The following KCTD19 variants were observed in gnomAD, a reference collection of about 807,000 sequenced individuals.
KCTD19 encodes BTB/POZ domain-containing protein KCTD19.
In KCTD19, 67 loss-of-function variants were observed where a neutral mutation model predicts 103.5. The observed-to-expected ratio is 0.65, with a 90% CI of 0.53 to 0.79. KCTD19 has a LOEUF of 0.79. Among genes scored for constraint, KCTD19 ranks in the 30% least tolerant of loss-of-function variants. The pLI, the probability that KCTD19 is intolerant of heterozygous loss-of-function variation, is 0.00. For synonymous variants in KCTD19, 439 were observed against 452.2 expected (o/e 0.97, Z 0.37); for missense variants, 980 against 1,136.1 (o/e 0.86, Z 1.98).
intron 12 of KCTD19, 58 bp from the exon 13 acceptor site, chr16:67,291,895 T>TA (rs2036701973): frequency 3.1e-6 from 4 of 1,278,828 alleles, no homozygotes; most frequent in African/African-American, 1.5e-5. Context: ...TTTTTCAAGA[T>TA]AGAGTTTTGC....
At chr16:67,319,077 GC>G (rs1197102062) in intron 2 of KCTD19, among the ~76,000 whole-genome samples, 1 of 152,052 alleles carries the variant, frequency 6.6e-6, no homozygotes, top group Non-Finnish European at 1.5e-5. Context: ...ACAAAAATTA[GC>G]CAGGAGTGGT....
intron 2 of KCTD19, among the ~76,000 whole-genome samples, chr16:67,312,308 C>G (rs2036957962): frequency 6.6e-6 from 1 of 152,206 alleles, no homozygotes. Context: ...CCCACCCAGG[C>G]TGATGGATGT....
rs184953684 is a variant in KCTD19, at chr16:67,289,785, G to A, written c.2668-103C>T. On this transcript the variant is annotated intron_variant, in intron 15 of 15. Transcript: ENST00000304372. ...ATTGGGGCAGGGACAGGGCAAGCCC[G>A]GCTGTTGGGGACTTTTGATGCTCTA... is the stretch of plus-strand genomic sequence containing the variant. 1.9e-3 allele frequency: 1,444 copies of A among 760,282 alleles called. 10 individuals are homozygous for A. The highest frequency in any genetic ancestry group is 3.0e-3 in the Middle Eastern group (8 of 2,694). The allele number at this position is 760,282 out of a possible 1,614,324, so 47.1% of individuals were successfully genotyped here. A position where few individuals can be genotyped will look rare whatever the true frequency, so the allele number is the denominator to read the frequency against.
intron 7 of KCTD19, 132 bp from the exon 8 acceptor site, chr16:67,296,391 G>A: frequency 1.5e-6 from 1 of 652,578 alleles, no homozygotes; most frequent in Non-Finnish European, 2.8e-6. Context: ...TGCCTAGTCT[G>A]AGAAGCAGCA....
Position 67,296,207 on chromosome 16 carries a change from C to G in KCTD19, c.1200G>C (p.Val400=). 1 of 1,613,918 alleles carries G rather than the reference C, an allele frequency of 6.2e-7. No individual in the cohort carries two copies. The highest frequency in any genetic ancestry group is 8.5e-7 in the Non-Finnish European group (1 of 1,179,798). ...TTGCGTACCAGTGGCTTCCAACATA[C>G]ACTTTGATGATCTGTTGTGGGGAAT... ...TVYSPQQIIK[V]YVGSHWYATT... is the part of the protein sequence containing the mutation. Residue 400 remains valine (V), a synonymous_variant, in exon 8 of 16, where the codon GTG becomes GTC. Coordinates refer to ENST00000304372, the MANE Select transcript of KCTD19 (RefSeq NM_001100915.3).
In KCTD19 at chr16:67,303,795, C is replaced by T. The variant is rs1037035185; in HGVS notation, c.452-458G>A. Among the ~76,000 whole-genome samples, 1 of 152,222 alleles carries T rather than the reference C, an allele frequency of 6.6e-6. No homozygotes were observed. Among genetic ancestry groups the T allele is most frequent in the Non-Finnish European group, 1.5e-5 (1 of 68,030 alleles). On this transcript the variant is annotated intron_variant, in intron 3 of 15. Transcript: ENST00000304372. This position sits in a 1 kb window ranked among gnomAD's most constrained non-coding sequence, Gnocchi z 4.3. ...CTCCTGACCTCACGTGATCCATCTG[C>T]CTCAGCCTCCCAAAATGCTGGGATT...
At chr16:67,307,105 A>T (rs1048891994) in intron 2 of KCTD19, among the ~76,000 whole-genome samples, 1 of 152,080 alleles carries the variant, frequency 6.6e-6, no homozygotes, top group African/African-American at 2.4e-5. Flanking sequence ...CAATACATGG[A>T]TACAATGTAT....
chr16:67,320,545 C>A lies in KCTD19; in HGVS notation c.300+44G>T. 1 of 1,583,050 alleles carries A rather than the reference C, an allele frequency of 6.3e-7. No homozygotes were observed. The highest frequency in any genetic ancestry group is 8.6e-7 in the Non-Finnish European group (1 of 1,158,060). ...GGAAACAATATTTAGTGATGTAAAGCCATGTTACTGATCCACCACTCCCAG... is the reference window on the plus strand; with the variant it reads ...GGAAACAATATTTAGTGATGTAAAGACATGTTACTGATCCACCACTCCCAG... On this transcript the variant is annotated intron_variant, in intron 2 of 15. Transcript: ENST00000304372. The surrounding 1 kb of genome is among the most constrained non-coding windows in gnomAD (Gnocchi z 4.0).
At chr16:67,296,307 A>G (rs1399575113) in intron 7 of KCTD19, 48 bp from the exon 8 acceptor site, 1 of 1,215,380 alleles carries the variant, frequency 8.2e-7, no homozygotes, top group Non-Finnish European at 1.2e-6. Flanking sequence ...GCCAGAAGGG[A>G]AAGCAGGTAG....
At chr16:67,317,831 A>G (rs1171943477) in intron 2 of KCTD19, among the ~76,000 whole-genome samples, 2 of 152,210 alleles carry the variant, frequency 1.3e-5, no homozygotes, top group African/African-American at 4.8e-5. Flanking sequence ...AATGCCTGGA[A>G]CCCAGAATGC....
At chr16:67,291,584 G>A in intron 13 of KCTD19, 62 bp downstream of exon 13, 4 of 1,577,010 alleles carry the variant, frequency 2.5e-6, no homozygotes, top group Non-Finnish European at 3.5e-6. Context: ...GAAGTACCCT[G>A]GGAGGGGGCT....
chr16:67,325,145 G>GC (rs2037122008), intron 1 of KCTD19, among the ~76,000 whole-genome samples: 1 of 151,848 alleles, frequency 6.6e-6, no homozygotes, highest in Admixed American at 6.6e-5. Flanking sequence ...TCGAAGGTGA[G>GC]CCCCAGTTCT....
chr16:67,292,027 C>G (rs963521416), intron 12 of KCTD19, among the ~76,000 whole-genome samples, 190 bp from the exon 13 acceptor site: 15 of 152,334 alleles, frequency 9.8e-5, no homozygotes, highest in Middle Eastern at 3.4e-3. Flanking sequence ...GCACCTGCCA[C>G]CACGCCCGGC....
At chr16:67,301,491 A>C (rs1309314895) in intron 5 of KCTD19, 2 of 254,422 alleles carry the variant, frequency 7.9e-6, no homozygotes, top group Non-Finnish European at 1.5e-5. Context: ...CTTCAGGCCC[A>C]GGACATTCCA....
intron 2 of KCTD19, among the ~76,000 whole-genome samples, chr16:67,314,776 A>G (rs975262775): frequency 2.2e-5 from 3 of 139,274 alleles, no homozygotes; most frequent in African/African-American, 5.5e-5. Context: ...CTTAGCTGAC[A>G]TGATGGTTTT....
Position 67,303,190 on chromosome 16 carries a change from G to C in KCTD19, c.599C>G (p.Thr200Arg), listed in dbSNP as rs190821373. The change falls in exon 4 of 16, where the codon ACG becomes AGG. Residue 200 changes from threonine to arginine, a missense_variant. Coordinates refer to ENST00000304372, the MANE Select transcript of KCTD19 (RefSeq NM_001100915.3). This position sits in a 1 kb window ranked among gnomAD's most constrained non-coding sequence, Gnocchi z 4.3. ...GCACTCGCACTCGATGAGGGCCACC[G>C]TCTCAGCCAGCCACAGCAGGTTGTC... ...TEDNLLWLAE[T>R]VALIECECSE... 6.2e-7 allele frequency: 1 copy of C among 1,612,490 alleles called. No individual in the cohort carries two copies. The highest frequency in any genetic ancestry group is 8.5e-7 in the Non-Finnish European group (1 of 1,179,762).
chr16:67,303,461 G>T lies in KCTD19; in HGVS notation c.452-124C>A, dbSNP rs2036860055. 3.1e-6 allele frequency: 2 copies of T among 651,974 alleles called. No homozygotes were observed. Among genetic ancestry groups the T allele is most frequent in the African/African-American group, 1.8e-5 (1 of 54,176 alleles). The allele number at this position is 651,974 out of a possible 1,614,324, so 40.4% of individuals were successfully genotyped here. On this transcript the variant is annotated intron_variant, in intron 3 of 15. Transcript: ENST00000304372. The surrounding 1 kb of genome is among the most constrained non-coding windows in gnomAD (Gnocchi z 4.3). ...AGAGACCCCCCAGGATATGGTCCTT[G>T]CCACTTGCCAGACACATCTTCCTTC...
At chr16:67,325,696 T>A (rs1178235235) in intron 1 of KCTD19, among the ~76,000 whole-genome samples, 1 of 152,152 alleles carries the variant, frequency 6.6e-6, no homozygotes, top group Non-Finnish European at 1.5e-5. Flanking sequence ...ACTCAGGGGC[T>A]GGTTAGTGCA....
At position 67,295,406 on chromosome 16, in the gene KCTD19, C is replaced by T; in HGVS notation, c.1249-1G>A. 1 of 1,610,274 alleles carries T rather than the reference C, an allele frequency of 6.2e-7. No homozygotes were observed. Among genetic ancestry groups the T allele is most frequent in the Non-Finnish European group, 8.5e-7 (1 of 1,177,224 alleles). On this transcript the variant is annotated splice_acceptor_variant, in intron 8 of 15. Coordinates refer to ENST00000304372, the MANE Select transcript of KCTD19 (RefSeq NM_001100915.3). LOFTEE classifies it high-confidence loss of function. The stretch of plus-strand genomic sequence containing the variant: ...GAGGGTTGGACAGCAGTTCTGGATA[C>T]TGGAGGGGGTTGGACACCGGACTCA...
Sources: allele counts gnomAD v4.1 joint callset (sites outside exome capture counted in the v4.1 genomes callset), GRCh38; gene constraint gnomAD v4.1.1; non-coding constraint Gnocchi (gnomAD v3.1); transcripts MANE v1.5; gene names NCBI Gene and HGNC (gene_info 2026-07-23, HGNC 2026-07-21).